The following LDHC variants were observed in gnomAD, a reference collection of about 807,000 sequenced individuals.
LDHC encodes the protein lactate dehydrogenase C, also known as L-lactate dehydrogenase C chain.
In LDHC, 20 loss-of-function variants were observed where a neutral mutation model predicts 30.2. The observed-to-expected ratio is 0.66, with a 90% CI of 0.47 to 0.96. The LOEUF is 0.96. Among genes scored for constraint, LDHC ranks in the 40% least tolerant of loss-of-function variants. The pLI is 0.00. For missense variants in LDHC, 362 were observed against 394.9 expected (o/e 0.92, Z 0.71); for synonymous variants, 139 against 132.7 (o/e 1.05, Z -0.32).
chr11:18,443,336 C>T (rs1373388768), intron 6 of LDHC, among the ~76,000 whole-genome samples: 1 of 152,126 alleles, frequency 6.6e-6, no homozygotes. Context: ...TAACCGATAG[C>T]GGTTTCCAAG....
rs77297254 is a variant in LDHC at position 18,430,035 on chromosome 11, G to A, written c.418+125G>A. ...ATTGCACTCGTTTAAAGTATATAAC[G>A]CGATGAGTTTTGATAAATGTAATCA... On this transcript the variant is annotated intron_variant, in intron 4 of 7. Coordinates refer to ENST00000541669, the MANE Select transcript of LDHC (RefSeq NM_017448.5). 340 of 551,896 alleles carry A rather than the reference G, an allele frequency of 6.2e-4. 1 individual carries two copies. Among genetic ancestry groups the A allele is most frequent in the Non-Finnish European group, 9.6e-4 (307 of 319,174 alleles). The allele number at this position is 551,896 out of a possible 1,614,324, so 34.2% of individuals were successfully genotyped here.
chr11:18,417,307 A>G (rs112967460), intron 3 of LDHC, among the ~76,000 whole-genome samples: 2,078 of 152,366 alleles, frequency 0.014, 52 homozygotes, highest in African/African-American at 0.047. Context: ...CTGAAAGCAC[A>G]TCAATAATGA....
chr11:18,424,333 GAT>G (rs1848123356), intron 3 of LDHC, among the ~76,000 whole-genome samples: 1 of 151,914 alleles, frequency 6.6e-6, no homozygotes, highest in African/African-American at 2.4e-5. Context: ...AGTGAGCCTA[GAT>G]CGCGCCACTG....
intron 2 of LDHC, among the ~76,000 whole-genome samples, chr11:18,413,466 T>G (rs1866940423): frequency 6.9e-6 from 1 of 143,924 alleles, no homozygotes; most frequent in Non-Finnish European, 1.5e-5. Flanking sequence ...TCTCTTTTTT[T>G]TTTTTTTTTT....
intron 4 of LDHC, among the ~76,000 whole-genome samples, chr11:18,432,126 C>T (rs950695844): frequency 5.3e-5 from 8 of 152,132 alleles, no homozygotes; most frequent in African/African-American, 1.9e-4. Flanking sequence ...CTCTTGGCAT[C>T]ACCTTAGCTG....
intron 4 of LDHC, among the ~76,000 whole-genome samples, 199 bp from the exon 5 acceptor site, chr11:18,434,541 C>T (rs1021763370): frequency 6.6e-6 from 1 of 152,148 alleles, no homozygotes; most frequent in Non-Finnish European, 1.5e-5. Flanking sequence ...AAAGTCCTGG[C>T]CTCAAGTGAT....
At chr11:18,430,359 T>C (rs1311622799) in intron 4 of LDHC, among the ~76,000 whole-genome samples, 1 of 152,138 alleles carries the variant, frequency 6.6e-6, no homozygotes, top group Non-Finnish European at 1.5e-5. Flanking sequence ...CACTCTGAGA[T>C]GGGGTGTCAT....
chr11:18,434,803 G>A lies in LDHC; in HGVS notation c.482G>A (p.Ser161Asn), dbSNP rs1848327723. ...SGLPVTRVIG[S>N]GCNLDSARFR... ...TTACCTGTAACTCGTGTAATTGGAA[G>A]TGGTTGTAATCTAGACTCTGCCCGT... Residue 161 changes from serine to asparagine, a missense_variant, in exon 5 of 8, where the codon AGT (serine) becomes AAT (asparagine). Physicochemically the swap from Ser to Asn is conservative, Grantham distance 46. Coordinates refer to ENST00000541669, the MANE Select transcript of LDHC (RefSeq NM_017448.5). The A allele has an allele frequency of 1.2e-6, 2 of 1,611,038 alleles. No individual in the cohort carries two copies. Among genetic ancestry groups the A allele is most frequent in the South Asian group, 1.1e-5 (1 of 91,012 alleles).
intron 6 of LDHC, among the ~76,000 whole-genome samples, chr11:18,442,847 C>T (rs1285828676): frequency 6.6e-6 from 1 of 151,654 alleles, no homozygotes; most frequent in African/African-American, 2.4e-5. Flanking sequence ...ATTTTTAGTA[C>T]AGATGGGGTT....
At chr11:18,423,260 G>A (rs987016250) in intron 3 of LDHC, among the ~76,000 whole-genome samples, 16 of 152,102 alleles carry the variant, frequency 1.1e-4, no homozygotes, top group African/African-American at 3.9e-4. Context: ...CTTGTTCATA[G>A]AAGTCTCAAT....
At chr11:18,423,210 C>T (rs1848099263) in intron 3 of LDHC, among the ~76,000 whole-genome samples, 1 of 152,046 alleles carries the variant, frequency 6.6e-6, no homozygotes, top group Admixed American at 6.6e-5. Context: ...CCTGTAGTCC[C>T]AGCTACTCAA....
At chr11:18,420,889 T>A (rs1409583357) in intron 3 of LDHC, among the ~76,000 whole-genome samples, 2 of 152,024 alleles carry the variant, frequency 1.3e-5, no homozygotes, top group African/African-American at 2.4e-5. Flanking sequence ...GATTAAAAAA[T>A]TTTTGAATAT....
rs1848656701 is a variant in LDHC at position 18,451,592 on chromosome 11, A to ACT, written c.*465_*466insCT. On this transcript the variant is annotated 3_prime_UTR_variant, in exon 8 of 8. Transcript: ENST00000541669. ...GGCCGGGCACTGCAGCCTGGGTGAAAGAGTGAGGCTCTGTCTCAAAAAAAA... is the reference window on the plus strand; with the variant it reads ...GGCCGGGCACTGCAGCCTGGGTGAAACTGAGTGAGGCTCTGTCTCAAAAAAAA... 1 of 152,236 alleles carries ACT rather than the reference A, an allele frequency of 6.6e-6. No homozygotes were observed. The highest frequency in any genetic ancestry group is 1.5e-5 in the Non-Finnish European group (1 of 68,056). The allele number at this position is 152,236 out of a possible 1,614,324, so 9.4% of individuals were successfully genotyped here. A position where few individuals can be genotyped will look rare whatever the true frequency, so the allele number is the denominator to read the frequency against.
chr11:18,418,593 C>A (rs1867065112), intron 3 of LDHC, among the ~76,000 whole-genome samples: 2 of 151,724 alleles, frequency 1.3e-5, no homozygotes, highest in South Asian at 4.2e-4. Flanking sequence ...CCATGCCCAG[C>A]TAATTGTATT....
At chr11:18,432,127 A>G (rs113497813) in intron 4 of LDHC, among the ~76,000 whole-genome samples, 22,714 of 152,020 alleles carry the variant, frequency 0.15, 1,874 homozygotes, top group African/African-American at 0.21. Context: ...TCTTGGCATC[A>G]CCTTAGCTGT....
chr11:18,442,215 C>G (rs1488261563), intron 6 of LDHC, among the ~76,000 whole-genome samples: 1 of 151,986 alleles, frequency 6.6e-6, no homozygotes, highest in African/African-American at 2.4e-5. Context: ...AAATCCAGTG[C>G]TGATAACCTA....
At position 18,440,787 on chromosome 11, in the gene LDHC, C is replaced by T. The variant is rs547968299; in HGVS notation, c.710+2142C>T. ...CCACAAAAAATTTTAAAAAATTAGC[C>T]AGGCATGGTGGTATGTCTGTAGTCC... On this transcript the variant is annotated intron_variant, in intron 6 of 7. Transcript: ENST00000541669. Among the ~76,000 whole-genome samples the T allele has an allele frequency of 2.5e-3, 164 of 64,810 alleles. 4 individuals carry two copies. The South Asian group carries it at 0.079, about 31-fold the overall frequency. 42.5% of individuals were successfully genotyped at this position (64,810 alleles called of 152,430 possible).
chr11:18,447,897 AAAT>A (rs1848582046), intron 7 of LDHC, among the ~76,000 whole-genome samples: 1 of 151,978 alleles, frequency 6.6e-6, no homozygotes, highest in South Asian at 2.1e-4. Flanking sequence ...AAAAATACAA[AAAT>A]TAGCTGAGTA....
intron 3 of LDHC, among the ~76,000 whole-genome samples, chr11:18,428,166 C>T (rs1288866517): frequency 1.1e-5 from 1 of 94,832 alleles, no homozygotes; most frequent in African/African-American, 4.4e-5. Flanking sequence ...CTTTCTCTCT[C>T]TTTTTTTTTT....
Sources: gnomAD v4.1 joint callset for allele counts (sites outside exome capture counted in the v4.1 genomes callset) on GRCh38, gnomAD v4.1.1 for gene constraint, MANE v1.5 for transcripts, NCBI Gene and HGNC (gene_info 2026-07-23, HGNC 2026-07-21) for gene names.